The following UBAP1L variants were observed in gnomAD, a reference collection of about 807,000 sequenced individuals.
UBAP1L encodes ubiquitin-associated protein 1-like.
UBAP1L carries 32 observed loss-of-function variants against 32.1 expected under a neutral mutation model. That is an observed-to-expected ratio of 1.00 (90% confidence interval 0.75 to 1.34). The LOEUF (loss-of-function observed/expected upper bound fraction) is 1.34, where lower values mean the gene tolerates loss of function less well. Ranked by LOEUF, UBAP1L falls within the 40% of genes most tolerant of loss-of-function variation. The pLI is 0.00. For missense variants in UBAP1L, 516 were observed against 540.5 expected (o/e 0.95, Z 0.45); for synonymous variants, 243 against 250.2 (o/e 0.97, Z 0.27).
chr15:65,105,989 A>C, intron 2 of UBAP1L, 107 bp downstream of exon 2: 1 of 1,479,456 alleles, frequency 6.8e-7, no homozygotes, highest in Non-Finnish European at 9.1e-7. Flanking sequence ...ACGGGGTTTC[A>C]CCATGTTGGC....
chr15:65,107,647 G>A (rs1424119687), intron 1 of UBAP1L, among the ~76,000 whole-genome samples: 3 of 148,442 alleles, frequency 2.0e-5, no homozygotes, highest in East Asian at 4.0e-4. Flanking sequence ...ACTGAGGCAG[G>A]AGAATCGCTT....
At chr15:65,114,286 T>A (rs1005612936) in intron 1 of UBAP1L, among the ~76,000 whole-genome samples, 2 of 152,094 alleles carry the variant, frequency 1.3e-5, no homozygotes, top group Admixed American at 6.6e-5. Context: ...ATGATACATA[T>A]TTCCTATTAT....
Position 65,102,757 on chromosome 15 carries a change from G to A in UBAP1L, c.121-73C>T. 1.4e-6 allele frequency: 2 copies of A among 1,387,714 alleles called. No homozygotes were observed. The highest frequency in any genetic ancestry group is 9.7e-7 in the Non-Finnish European group (1 of 1,030,918). 86.0% of individuals were successfully genotyped at this position (1,387,714 alleles called of 1,614,324 possible). A position where few individuals can be genotyped will look rare whatever the true frequency, so the allele number is the denominator to read the frequency against. On this transcript the variant is annotated intron_variant, in intron 2 of 5. Coordinates refer to ENST00000559089, the MANE Select transcript of UBAP1L (RefSeq NM_001163692.2). The surrounding 1 kb of genome is among the most constrained non-coding windows in gnomAD (Gnocchi z 5.0). ...GGGCACAACACTAACCCCTGGCCTG[G>A]GGGACCCTGTTCAGCCAGAGACTCT...
chr15:65,103,790 T>C (rs893448468), intron 2 of UBAP1L, among the ~76,000 whole-genome samples: 1 of 151,958 alleles, frequency 6.6e-6, no homozygotes, highest in African/African-American at 2.4e-5. Flanking sequence ...AATAGATGGG[T>C]TGTGAAGGAC....
At position 65,106,120 on chromosome 15, in the gene UBAP1L, G is replaced by A. The variant is rs560144450; in HGVS notation, c.96C>T (p.Cys32=). Residue 32 remains cysteine, a synonymous_variant, in exon 2 of 6, where the codon TGC becomes TGT. Transcript: ENST00000559089. The part of the protein sequence containing the change: ...LPGPELSVPA[C]GEVLLGSMHD... ...CCATAGAACCCAGCAGAACTTCCCC[G>A]CAGGCCGGGACGCTGAGTTCTGGCC... The A allele has an allele frequency of 1.3e-5, 20 of 1,550,998 alleles. No individual in the cohort carries two copies. Among genetic ancestry groups the A allele is most frequent in the East Asian group, 4.9e-5 (2 of 40,888 alleles).
chr15:65,093,695 AC>A (rs1319261680), intron 5 of UBAP1L, among the ~76,000 whole-genome samples: 1 of 151,884 alleles, frequency 6.6e-6, no homozygotes, highest in Non-Finnish European at 1.5e-5. Context: ...GCCTCACCCA[AC>A]CCTCCGTCCC....
Position 65,093,206 on chromosome 15 carries a change from TC to T in UBAP1L, c.1036del (p.Glu346SerfsTer48). 6.5e-7 allele frequency: 1 copy of T among 1,547,784 alleles called. No homozygotes were observed. Among genetic ancestry groups the T allele is most frequent in the Middle Eastern group, 1.8e-4 (1 of 5,440 alleles). Reference sequence around the variant, plus strand: ...CTGGAAGCCCATGTCACTGAACTGCTCCCAGAGGCGCAGGAACTCCCCTGCC... The same window carrying T: ...CTGGAAGCCCATGTCACTGAACTGCTCCAGAGGCGCAGGAACTCCCCTGCC... ...SQAGEFLRLW[E>X]QFSDMGFQQD... On this transcript the variant is annotated frameshift_variant, in exon 6 of 6. Transcript: ENST00000559089. LOFTEE classifies it high-confidence loss of function.
At chr15:65,096,158 A>C (rs1016449335) in intron 4 of UBAP1L, 1 of 152,300 alleles carries the variant, frequency 6.6e-6, no homozygotes, top group Non-Finnish European at 1.5e-5. Flanking sequence ...GAGGGCGGGC[A>C]AGGATGGATG....
At chr15:65,110,770 A>C (rs1390586535) in intron 1 of UBAP1L, among the ~76,000 whole-genome samples, 1 of 152,012 alleles carries the variant, frequency 6.6e-6, no homozygotes, top group Non-Finnish European at 1.5e-5. Flanking sequence ...ATAATAATAC[A>C]CTTGAATCTA....
chr15:65,114,266 C>T (rs938013535), intron 1 of UBAP1L, among the ~76,000 whole-genome samples: 5 of 151,586 alleles, frequency 3.3e-5, no homozygotes, highest in African/African-American at 1.2e-4. Flanking sequence ...ATGATTCTTA[C>T]CCTTACTATA....
At position 65,099,619 on chromosome 15, in the gene UBAP1L, C is replaced by T; in HGVS notation, c.795G>A (p.Leu265=). 3.9e-6 allele frequency: 6 copies of T among 1,551,648 alleles called. No homozygotes were observed. Among genetic ancestry groups the T allele is most frequent in the Non-Finnish European group, 5.2e-6 (6 of 1,147,000 alleles). ...KSHPDTAADL[L]SALSQEEQDL... is the part of the protein sequence containing the mutation. Reference sequence around the variant, plus strand: ...CTTGCTCCTCCTGGCTCAGGGCGGACAGCAGGTCAGCCGCAGTATCAGGGT... The same window carrying T: ...CTTGCTCCTCCTGGCTCAGGGCGGATAGCAGGTCAGCCGCAGTATCAGGGT... Residue 265 remains leucine, a synonymous_variant, in exon 4 of 6, where the codon CTG becomes CTA. Coordinates refer to ENST00000559089, the MANE Select transcript of UBAP1L (RefSeq NM_001163692.2).
At position 65,106,137 on chromosome 15, in the gene UBAP1L, G is replaced by A. The variant is rs557111297; in HGVS notation, c.79C>T (p.Leu27Phe). ...ACTTCCCCGCAGGCCGGGACGCTGA[G>A]TTCTGGCCCAGGGAGAGGCTCTGTG... is the stretch of plus-strand genomic sequence containing the variant. Reference protein sequence around the residue: ...IGTEPLPGPELSVPACGEVLL... With the variant: ...IGTEPLPGPEFSVPACGEVLL... Residue 27 changes from leucine (L) to phenylalanine (F), a missense_variant, in exon 2 of 6, where the codon CTC (leucine) becomes TTC (phenylalanine). By Grantham distance (22) the Leu-to-Phe change is conservative (BLOSUM62 0). Transcript: ENST00000559089. 2.9e-4 allele frequency: 454 copies of A among 1,550,982 alleles called. No homozygotes were observed. The highest frequency in any genetic ancestry group is 3.7e-4 in the Non-Finnish European group (429 of 1,146,832).
chr15:65,105,423 G>A lies in UBAP1L; in HGVS notation c.120+673C>T, dbSNP rs114382701. On this transcript the variant is annotated intron_variant, in intron 2 of 5. Coordinates refer to ENST00000559089, the MANE Select transcript of UBAP1L (RefSeq NM_001163692.2). ...GAGCCCTAGAAGAGGAGGTTGCAATGAGCTGACATTGTACCACTGCACTCC... is the reference window on the plus strand; with the variant it reads ...GAGCCCTAGAAGAGGAGGTTGCAATAAGCTGACATTGTACCACTGCACTCC... The A allele has an allele frequency of 1.9e-3, 601 of 320,650 alleles. 5 individuals carry two copies. Among genetic ancestry groups the A allele is most frequent in the African/African-American group, 0.012 (568 of 46,170 alleles). The allele number at this position is 320,650 out of a possible 1,614,324, so 19.9% of individuals were successfully genotyped here.
chr15:65,093,772 G>A (rs1194616660), intron 5 of UBAP1L, among the ~76,000 whole-genome samples: 1 of 152,196 alleles, frequency 6.6e-6, no homozygotes, highest in East Asian at 1.9e-4. Context: ...GGCCGGGTGC[G>A]GTGGCTCACG....
intron 1 of UBAP1L, among the ~76,000 whole-genome samples, chr15:65,109,061 G>A (rs1439722363): frequency 6.6e-6 from 1 of 150,770 alleles, no homozygotes; most frequent in Admixed American, 6.6e-5. Flanking sequence ...GGAGGCTGAG[G>A]CAGGAGAATC....
At chr15:65,113,480 G>A (rs1266568729) in intron 1 of UBAP1L, among the ~76,000 whole-genome samples, 1 of 152,146 alleles carries the variant, frequency 6.6e-6, no homozygotes, top group Non-Finnish European at 1.5e-5. Context: ...AGGCACAATG[G>A]CTCACATCTG....
At chr15:65,093,529 G>A (rs948588771) in intron 5 of UBAP1L, among the ~76,000 whole-genome samples, 1 of 152,196 alleles carries the variant, frequency 6.6e-6, no homozygotes, top group African/African-American at 2.4e-5. Context: ...CAGGAGGGGG[G>A]CAGACCGTAC....
rs950525647 is a variant in UBAP1L at position 65,111,948 on chromosome 15, G to A, written c.-174+3202C>T. 8.5e-5 allele frequency among the ~76,000 whole-genome samples: 13 copies of A among 152,238 alleles called. No homozygotes were observed. The South Asian group carries it at 1.0e-3, about 12-fold the overall frequency. Reference sequence around the variant, plus strand: ...TGGGACTACAGGCGCCTGCCACCACGCCTGGCCCTATATCTCTTAAGAATG... The same window carrying A: ...TGGGACTACAGGCGCCTGCCACCACACCTGGCCCTATATCTCTTAAGAATG... On this transcript the variant is annotated intron_variant, in intron 1 of 5. Coordinates refer to ENST00000559089, the MANE Select transcript of UBAP1L (RefSeq NM_001163692.2).
intron 4 of UBAP1L, chr15:65,096,053 C>T (rs2087170053): frequency 6.6e-6 from 1 of 152,170 alleles, no homozygotes; most frequent in Non-Finnish European, 1.5e-5. Context: ...CATTTAATGC[C>T]TTGTCCATCA....
Sources: gnomAD v4.1 joint callset for allele counts (sites outside exome capture counted in the v4.1 genomes callset) on GRCh38, gnomAD v4.1.1 for gene constraint, Gnocchi (gnomAD v3.1) non-coding constraint, MANE v1.5 for transcripts, NCBI Gene and HGNC (gene_info 2026-07-23, HGNC 2026-07-21) for gene names.